TMEM183A: variants seen among roughly 807,000 people sequenced by gnomAD.
The protein encoded by TMEM183A is transmembrane protein 183A.
A neutral mutation model predicts 46.7 loss-of-function variants in TMEM183A; 21 were observed. The ratio of observed to expected loss-of-function variants is 0.45; its 90% CI spans 0.32 to 0.65. The LOEUF is 0.65. Ranked by LOEUF, TMEM183A falls within the 30% of genes least tolerant of loss-of-function variation. The probability of loss-of-function intolerance (pLI) is 0.04; values close to 1 mark genes in which losing one functional copy is unlikely to be tolerated. For synonymous variants in TMEM183A, 165 were observed against 180.2 expected, an observed-to-expected ratio of 0.92 and a Z score of 0.68; for missense variants, 331 against 481.9, an observed-to-expected ratio of 0.69 and a Z score of 2.93.
At chr1:203,016,998 C>A (rs540636938) in intron 5 of TMEM183A, among the ~76,000 whole-genome samples, 1 of 152,208 alleles carries the variant, frequency 6.6e-6, no homozygotes, top group South Asian at 2.1e-4. Context: ...ATTCTTCTCC[C>A]CTAGTTTAGC....
rs929912173 is a variant in TMEM183A at position 203,018,445 on chromosome 1, T to C, written c.709-36T>C. On this transcript the variant is annotated intron_variant, in intron 5 of 7. Transcript: ENST00000367242. ...GTGTATTTTGATTTTTTTCTTTTTC[T>C]TTTTCTTGGTTTATTTTATTTTTAC... 1.4e-5 allele frequency: 22 copies of C among 1,573,960 alleles called. No homozygotes were observed. In the Admixed American group the frequency reaches 2.8e-4, roughly 20 times the overall value.
chr1:203,021,872 G>A (rs953017727), intron 7 of TMEM183A, among the ~76,000 whole-genome samples: 1 of 152,168 alleles, frequency 6.6e-6, no homozygotes, highest in African/African-American at 2.4e-5. Context: ...CACAATGAAA[G>A]TAGCTTTTTT....
chr1:203,016,082 G>A lies in TMEM183A; in HGVS notation c.650G>A (p.Arg217Gln), dbSNP rs1417096022. ...LYHMYEPFAA[R>Q]ISKNPAIPES... ...CATATGTATGAGCCATTTGCTGCTC[G>A]AATCTCCAAGAATCCAGCCATTCCA... is the stretch of plus-strand genomic sequence containing the variant. Residue 217 changes from arginine (R) to glutamine (Q), a missense_variant, in exon 5 of 8, where the codon CGA becomes CAA. Coordinates refer to ENST00000367242, the MANE Select transcript of TMEM183A (RefSeq NM_138391.6). 3.1e-6 allele frequency: 5 copies of A among 1,614,064 alleles called. No individual in the cohort carries two copies. Among genetic ancestry groups the A allele is most frequent in the Admixed American group, 1.7e-5 (1 of 60,000 alleles).
Position 203,007,415 on chromosome 1 carries a change from G to C in TMEM183A, c.-51G>C, listed in dbSNP as rs1656033094. On this transcript the variant is annotated 5_prime_UTR_variant, in exon 1 of 8. Coordinates refer to ENST00000367242, the MANE Select transcript of TMEM183A (RefSeq NM_138391.6). ...GCCTCCGGTGTGGGATGGCCGCGGA[G>C]CCGGGCGGAGCTGGCTTGCGGCTCC... 1 of 1,351,974 alleles carries C rather than the reference G, an allele frequency of 7.4e-7. No individual in the cohort carries two copies. The highest frequency in any genetic ancestry group is 9.5e-7 in the Non-Finnish European group (1 of 1,051,190). 83.7% of individuals were successfully genotyped at this position (1,351,974 alleles called of 1,614,324 possible).
At position 203,024,056 on chromosome 1, in the gene TMEM183A, A is replaced by G. The variant is rs763703979; in HGVS notation, c.*1016A>G. On this transcript the variant is annotated 3_prime_UTR_variant, in exon 8 of 8. Coordinates refer to ENST00000367242, the MANE Select transcript of TMEM183A (RefSeq NM_138391.6). ...AACCAAGAAAGTTATTTCAGGAAGG[A>G]TAGTGACCCTTTCCTTGAACTGTTA... 3.9e-5 allele frequency: 6 copies of G among 152,228 alleles called. No individual in the cohort carries two copies. Among genetic ancestry groups the G allele is most frequent in the African/African-American group, 1.2e-4 (5 of 41,446 alleles). The allele number at this position is 152,228 out of a possible 1,614,324, so 9.4% of individuals were successfully genotyped here. A position where few individuals can be genotyped will look rare whatever the true frequency, so the allele number is the denominator to read the frequency against.
At chr1:203,015,679 T>G in intron 4 of TMEM183A, 1 of 373,836 alleles carries the variant, frequency 2.7e-6, no homozygotes, top group East Asian at 5.4e-5. Flanking sequence ...ACAGGTTCTT[T>G]TTGAGCAGCT....
chr1:203,021,700 AC>A (rs1657696853), intron 7 of TMEM183A, among the ~76,000 whole-genome samples: 1 of 152,208 alleles, frequency 6.6e-6, no homozygotes, highest in Non-Finnish European at 1.5e-5. Context: ...TGATATTATC[AC>A]TGTTCAAGGC....
chr1:203,011,102 T>A (rs1220818573), intron 3 of TMEM183A, among the ~76,000 whole-genome samples: 8 of 152,232 alleles, frequency 5.3e-5, no homozygotes. Flanking sequence ...CAAGTTTTTC[T>A]GTGGACATAG....
At position 203,007,442 on chromosome 1, in the gene TMEM183A, G is replaced by A. The variant is rs1164876594; in HGVS notation, c.-24G>A. ...CGGGCGGAGCTGGCTTGCGGCTCCC[G>A]GGGCCGGCTCTCCGGCCGGAGACAT... On this transcript the variant is annotated 5_prime_UTR_variant, in exon 1 of 8. Transcript: ENST00000367242. The A allele has an allele frequency of 3.6e-6, 5 of 1,402,592 alleles. No individual in the cohort carries two copies. Among genetic ancestry groups the A allele is most frequent in the African/African-American group, 3.0e-5 (2 of 66,310 alleles). 86.9% of individuals were successfully genotyped at this position (1,402,592 alleles called of 1,614,324 possible). A position where few individuals can be genotyped will look rare whatever the true frequency, so the allele number is the denominator to read the frequency against.
intron 2 of TMEM183A, among the ~76,000 whole-genome samples, chr1:203,008,331 T>C (rs930430399): frequency 3.3e-5 from 5 of 152,218 alleles, no homozygotes; most frequent in African/African-American, 4.8e-5. Context: ...GTAGACCTTA[T>C]GAGAATACAA....
chr1:203,015,195 T>A (rs930581332), intron 4 of TMEM183A, 147 bp downstream of exon 4: 13 of 1,126,450 alleles, frequency 1.2e-5, no homozygotes, highest in Non-Finnish European at 1.6e-5. Flanking sequence ...CTTGAGCCCC[T>A]CTCTAATTTA....
intron 6 of TMEM183A, 113 bp downstream of exon 6, chr1:203,018,674 T>G: frequency 8.2e-7 from 1 of 1,221,316 alleles, no homozygotes; most frequent in Non-Finnish European, 1.2e-6. Context: ...TCTGGGTAAC[T>G]TAAAAAGAAC....
intron 6 of TMEM183A, among the ~76,000 whole-genome samples, chr1:203,019,185 T>C (rs576807308): frequency 2.6e-5 from 4 of 152,332 alleles, no homozygotes; most frequent in African/African-American, 9.6e-5. Flanking sequence ...GATGCTCAAC[T>C]GGTATAATGC....
intron 4 of TMEM183A, chr1:203,015,699 T>C (rs1657102799): frequency 4.3e-6 from 2 of 460,354 alleles, no homozygotes; most frequent in Admixed American, 7.9e-5. Flanking sequence ...TAAAGCATAA[T>C]ATACCGATAC....
At chr1:203,017,713 A>T (rs1657299634) in intron 5 of TMEM183A, 1 of 985,212 alleles carries the variant, frequency 1.0e-6, no homozygotes, top group Non-Finnish European at 1.2e-6. Flanking sequence ...ATGTTTCTGG[A>T]CTCTAGCTTT....
intron 3 of TMEM183A, among the ~76,000 whole-genome samples, chr1:203,010,466 TTAGGGCTGCTCGACCA>T (rs1330728295): frequency 3.4e-4 from 52 of 152,158 alleles, no homozygotes; most frequent in Non-Finnish European, 4.9e-4. Context: ...TGATTTTCGA[TTAGGGCTGCTCGACCA>T]ATAAGTACGG....
chr1:203,024,449 A>G lies in TMEM183A; in HGVS notation c.*1409A>G, dbSNP rs576150976. 2 of 152,002 alleles carry G rather than the reference A, an allele frequency of 1.3e-5. No homozygotes were observed. The highest frequency in any genetic ancestry group is 1.3e-4 in the Admixed American group (2 of 15,246). 9.4% of individuals were successfully genotyped at this position (152,002 alleles called of 1,614,324 possible). A position where few individuals can be genotyped will look rare whatever the true frequency, so the allele number is the denominator to read the frequency against. On this transcript the variant is annotated 3_prime_UTR_variant, in exon 8 of 8. Coordinates refer to ENST00000367242, the MANE Select transcript of TMEM183A (RefSeq NM_138391.6). ...ATTAAGACAGTATTCTTTAAAAGTGAAAATCTTGTGAGGCAAACTGCTAAA... is the reference window on the plus strand; with the variant it reads ...ATTAAGACAGTATTCTTTAAAAGTGGAAATCTTGTGAGGCAAACTGCTAAA...
At chr1:203,020,672 A>T in intron 6 of TMEM183A, 121 bp from the exon 7 acceptor site, 1 of 1,241,110 alleles carries the variant, frequency 8.1e-7, no homozygotes, top group Non-Finnish European at 1.1e-6. Context: ...ACATGTATAA[A>T]GAGAGAAGAT....
intron 7 of TMEM183A, 113 bp from the exon 8 acceptor site, chr1:203,022,742 A>T: frequency 6.9e-6 from 9 of 1,303,576 alleles, no homozygotes; most frequent in Non-Finnish European, 9.6e-6. Context: ...TAATTTAGAG[A>T]TTAATCTTGT....
Sources: allele counts gnomAD v4.1 joint callset (sites outside exome capture counted in the v4.1 genomes callset), GRCh38; gene constraint gnomAD v4.1.1; transcripts MANE v1.5; gene names NCBI Gene and HGNC (gene_info 2026-07-23, HGNC 2026-07-21).